The following PRDM16 variants were observed in gnomAD, a reference collection of about 807,000 sequenced individuals.
PRDM16 encodes the protein PR/SET domain 16.
A neutral mutation model predicts 110.6 loss-of-function variants in PRDM16; 23 were observed. That is an observed-to-expected ratio of 0.21 (90% CI 0.15 to 0.29). The LOEUF (loss-of-function observed/expected upper bound fraction) is 0.29. Ranked by LOEUF, PRDM16 falls within the 10% of genes least tolerant of loss-of-function variation. The pLI, the probability that PRDM16 is intolerant of heterozygous loss-of-function variation, is 1.00. For missense variants in PRDM16, 1,615 were observed against 1,794.3 expected (o/e 0.90, Z 1.81); for synonymous variants, 799 against 781.8 (o/e 1.02, Z -0.37).
At chr1:3,433,599 C>G (rs60119082) in intron 16 of PRDM16, 78 bp from the exon 17 acceptor site, 1 of 1,080,472 alleles carries the variant, frequency 9.3e-7, no homozygotes, top group Non-Finnish European at 1.2e-6. Flanking sequence ...CACGCGCTCA[C>G]CTGCCTGTCT....
chr1:3,406,749 A>G (rs932740898), intron 8 of PRDM16, among the ~76,000 whole-genome samples: 4 of 152,114 alleles, frequency 2.6e-5, no homozygotes, highest in African/African-American at 9.7e-5. Flanking sequence ...TAAAGAAATA[A>G]AAATAAATAA....
chr1:3,326,182 T>C (rs1277649094), intron 3 of PRDM16, among the ~76,000 whole-genome samples: 1 of 152,028 alleles, frequency 6.6e-6, no homozygotes, highest in Non-Finnish European at 1.5e-5. Flanking sequence ...TTGGCCCTCC[T>C]TGGCCATCCT....
chr1:3,134,321 C>T (rs541554385), intron 1 of PRDM16, among the ~76,000 whole-genome samples: 23 of 152,326 alleles, frequency 1.5e-4, no homozygotes, highest in African/African-American at 4.1e-4. Context: ...GAAGAGAGGA[C>T]GTGGACAGCA....
At chr1:3,220,118 G>C (rs1639119805) in intron 2 of PRDM16, among the ~76,000 whole-genome samples, 1 of 152,202 alleles carries the variant, frequency 6.6e-6, no homozygotes, top group African/African-American at 2.4e-5. Context: ...TCATTTTGAA[G>C]AGACATTCAT....
At chr1:3,221,696 T>C (rs1159417645) in intron 2 of PRDM16, among the ~76,000 whole-genome samples, 8 of 152,200 alleles carry the variant, frequency 5.3e-5, no homozygotes, top group Non-Finnish European at 1.2e-4. Flanking sequence ...GGGACACACA[T>C]GGATGCCCCC....
chr1:3,072,896 C>T (rs1185752262), intron 1 of PRDM16, among the ~76,000 whole-genome samples: 1 of 152,266 alleles, frequency 6.6e-6, no homozygotes, highest in Non-Finnish European at 1.5e-5. Context: ...TCCCTCAGCC[C>T]CTGGCTGCGC....
chr1:3,119,405 G>T (rs568613245), intron 1 of PRDM16, among the ~76,000 whole-genome samples: 2 of 152,376 alleles, frequency 1.3e-5, no homozygotes, highest in African/African-American at 4.8e-5. Context: ...AGGATGCGGG[G>T]AGGAGGACTC....
Position 3,434,455 on chromosome 1 carries a change from G to A in PRDM16, c.*644G>A, listed in dbSNP as rs1266662671. On this transcript the variant is annotated 3_prime_UTR_variant, in exon 17 of 17. Transcript: ENST00000270722. ...TGTATTCTTTATACTGTAGATAATG[G>A]AGAAATTTTCTATCTCTGTCCCTAT... The A allele has an allele frequency of 4.3e-6, 1 of 231,588 alleles. No individual in the cohort carries two copies. Among genetic ancestry groups the A allele is most frequent in the African/African-American group, 2.2e-5 (1 of 45,236 alleles). 14.3% of individuals were successfully genotyped at this position (231,588 alleles called of 1,614,324 possible).
chr1:3,151,708 G>T (rs562892380), intron 1 of PRDM16, among the ~76,000 whole-genome samples: 1 of 152,202 alleles, frequency 6.6e-6, no homozygotes, highest in Non-Finnish European at 1.5e-5. Context: ...GTGGCCGGGC[G>T]TGCATTAGAC....
chr1:3,114,402 A>G lies in PRDM16; in HGVS notation c.37+45106A>G, dbSNP rs573224941. 3.2e-3 allele frequency among the ~76,000 whole-genome samples: 332 copies of G among 104,248 alleles called. 2 individuals are homozygous for G. Among genetic ancestry groups the G allele is most frequent in the African/African-American group, 0.013 (311 of 23,516 alleles). The allele number at this position is 104,248 out of a possible 152,430, so 68.4% of individuals were successfully genotyped here. A position where few individuals can be genotyped will look rare whatever the true frequency, so the allele number is the denominator to read the frequency against. On this transcript the variant is annotated intron_variant, in intron 1 of 16. Coordinates refer to ENST00000270722, the MANE Select transcript of PRDM16 (RefSeq NM_022114.4). ...TGTAAACAGACGCGCACGCACGCGC[A>G]CACACACGCACACACATGCACACAC... is the stretch of plus-strand genomic sequence containing the variant.
intron 3 of PRDM16, among the ~76,000 whole-genome samples, chr1:3,287,148 A>G (rs1301240612): frequency 1.3e-5 from 2 of 152,178 alleles, no homozygotes; most frequent in Non-Finnish European, 2.9e-5. Flanking sequence ...GACGCTGGGA[A>G]GTGGGACCTG....
chr1:3,348,062 C>T (rs962050420), intron 3 of PRDM16, among the ~76,000 whole-genome samples: 6 of 152,212 alleles, frequency 3.9e-5, no homozygotes, highest in East Asian at 3.9e-4. Flanking sequence ...TGCCTCTGGT[C>T]GGAGCACGGG....
At chr1:3,429,006 ACCAAGGATGG>A (rs1363517723) in intron 14 of PRDM16, among the ~76,000 whole-genome samples, 2 of 152,224 alleles carry the variant, frequency 1.3e-5, no homozygotes, top group East Asian at 1.9e-4. Flanking sequence ...GACAAAGGTC[ACCAAGGATGG>A]CCAAGGAGGG....
At chr1:3,388,796 G>A (rs925047623) in intron 4 of PRDM16, among the ~76,000 whole-genome samples, 7 of 152,186 alleles carry the variant, frequency 4.6e-5, no homozygotes, top group African/African-American at 1.7e-4. Context: ...CTTTGGAGGC[G>A]GGGGAGTCAC....
intron 1 of PRDM16, among the ~76,000 whole-genome samples, chr1:3,156,392 C>T (rs16823409): frequency 0.048 from 7,267 of 152,162 alleles, 254 homozygotes; most frequent in East Asian, 0.19. Flanking sequence ...TCTCTGCCTG[C>T]GGAGGTAAAA....
At chr1:3,163,623 A>T (rs953861492) in intron 1 of PRDM16, among the ~76,000 whole-genome samples, 11 of 152,212 alleles carry the variant, frequency 7.2e-5, no homozygotes, top group African/African-American at 2.4e-4. Context: ...GTCTGGGATC[A>T]GCTGTGGGCG....
chr1:3,252,895 A>C (rs1279674138), intron 3 of PRDM16, among the ~76,000 whole-genome samples: 5 of 152,056 alleles, frequency 3.3e-5, no homozygotes. Flanking sequence ...GGCGGGAAGG[A>C]GGGTCATGCA....
At chr1:3,351,210 C>T (rs1481641589) in intron 3 of PRDM16, among the ~76,000 whole-genome samples, 1 of 152,188 alleles carries the variant, frequency 6.6e-6, no homozygotes, top group Non-Finnish European at 1.5e-5. Flanking sequence ...TGCCAGCTCT[C>T]ATCCCCACCA....
chr1:3,435,662 G>A lies in PRDM16; in HGVS notation c.*1851G>A, dbSNP rs528934179. On this transcript the variant is annotated 3_prime_UTR_variant, in exon 17 of 17. Coordinates refer to ENST00000270722, the MANE Select transcript of PRDM16 (RefSeq NM_022114.4). The stretch of plus-strand genomic sequence containing the variant: ...CCGCCTTGGTGTGGGTTTGTGTCAC[G>A]TGTGGACATCTCCTCAGGCTTTGTG... The A allele has an allele frequency of 2.3e-3, 535 of 229,224 alleles. 7 individuals carry two copies. The highest frequency in any genetic ancestry group is 0.011 in the East Asian group (176 of 16,520). 14.2% of individuals were successfully genotyped at this position (229,224 alleles called of 1,614,324 possible).
Sources: allele counts gnomAD v4.1 joint callset (sites outside exome capture counted in the v4.1 genomes callset), GRCh38; gene constraint gnomAD v4.1.1; transcripts MANE v1.5; gene names NCBI Gene and HGNC (gene_info 2026-07-23, HGNC 2026-07-21).